The following RPTOR variants were observed in gnomAD, a reference collection of about 807,000 sequenced individuals.
RPTOR encodes the protein regulatory associated protein of MTOR complex 1, also known as regulatory-associated protein of mTOR.
RPTOR carries 21 observed loss-of-function variants against 169.9 expected under a neutral mutation model. That is an observed-to-expected ratio of 0.12 (90% CI 0.09 to 0.18). The LOEUF is 0.18. Ranked by LOEUF, RPTOR falls within the 10% of genes least tolerant of loss-of-function variation. RPTOR has a pLI of 1.00. For missense variants in RPTOR, 1,133 were observed against 1,855.9 expected, an observed-to-expected ratio of 0.61 and a Z score of 7.16; for synonymous variants, 732 against 753.2, an observed-to-expected ratio of 0.97 and a Z score of 0.46.
rs117946055 is a variant in RPTOR at position 80,723,111 on chromosome 17, G to T, written c.508-7449G>T. On this transcript the variant is annotated intron_variant, in intron 4 of 33. Transcript: ENST00000306801. ...GGTTATTCTCAGTGCATCAGGTTTG[G>T]GGGTGCGTGGTGTGTGTGATTCTTA... 2.0e-5 allele frequency among the ~76,000 whole-genome samples: 3 copies of T among 151,454 alleles called. No homozygotes were observed. The East Asian group carries it at 5.8e-4, about 29-fold the overall frequency.
chr17:80,711,683 CTT>C (rs1315444884), intron 4 of RPTOR, among the ~76,000 whole-genome samples: 1 of 138,384 alleles, frequency 7.2e-6, no homozygotes, highest in African/African-American at 2.9e-5. Flanking sequence ...TTTTAAATGA[CTT>C]TTTAAAATTT....
At chr17:80,547,006 T>C (rs911181277) in intron 1 of RPTOR, among the ~76,000 whole-genome samples, 2 of 152,098 alleles carry the variant, frequency 1.3e-5, no homozygotes, top group African/African-American at 4.8e-5. Context: ...GAGGCAGAGG[T>C]TGCAGTGAGC....
intron 1 of RPTOR, among the ~76,000 whole-genome samples, chr17:80,622,408 A>G (rs1246590283): frequency 6.6e-6 from 1 of 152,240 alleles, no homozygotes; most frequent in East Asian, 1.9e-4. Context: ...GATTATGGAT[A>G]CTGATCACTT....
At chr17:80,663,648 G>T (rs1050781637) in intron 3 of RPTOR, among the ~76,000 whole-genome samples, 12 of 152,102 alleles carry the variant, frequency 7.9e-5, no homozygotes, top group Non-Finnish European at 1.2e-4. Context: ...TCTATTTACC[G>T]TGTGGAAAAT....
rs141828908 is a variant in RPTOR, at chr17:80,906,478, G to A, written c.2402-2333G>A. Among the ~76,000 whole-genome samples, 636 of 152,308 alleles carry A rather than the reference G, an allele frequency of 4.2e-3. 2 individuals carry two copies. Among genetic ancestry groups the A allele is most frequent in the Middle Eastern group, 6.8e-3 (2 of 294 alleles). ...AGGTGCATCTGCGTGGCACCGTGGC[G>A]CTGAAGTCCAGGTGTGCTTGGGCCC... is the stretch of plus-strand genomic sequence containing the variant. On this transcript the variant is annotated intron_variant, in intron 20 of 33. Coordinates refer to ENST00000306801, the MANE Select transcript of RPTOR (RefSeq NM_020761.3).
chr17:80,817,997 G>T (rs1235029003), intron 7 of RPTOR, among the ~76,000 whole-genome samples: 1 of 152,244 alleles, frequency 6.6e-6, no homozygotes, highest in Non-Finnish European at 1.5e-5. Context: ...CCACAGGTGA[G>T]CCCGGAAGTG....
intron 1 of RPTOR, among the ~76,000 whole-genome samples, chr17:80,575,728 T>C (rs1287470252): frequency 6.6e-6 from 1 of 152,212 alleles, no homozygotes; most frequent in Admixed American, 6.5e-5. Flanking sequence ...TTAAGTCAAA[T>C]ATTTTATTTG....
At chr17:80,831,819 A>ATCCCTGTGTGTCACCG (rs1567936912) in intron 9 of RPTOR, among the ~76,000 whole-genome samples, 13 of 62,938 alleles carry the variant, frequency 2.1e-4, no homozygotes, top group African/African-American at 9.1e-4. Context: ...GTGTGTCACC[A>ATCCCTGTGTGTCACCG]TGTATCCCTG....
At chr17:80,605,483 G>A (rs9899898) in intron 1 of RPTOR, among the ~76,000 whole-genome samples, 47,059 of 151,996 alleles carry the variant, frequency 0.31, 7,425 homozygotes, top group Middle Eastern at 0.37. Flanking sequence ...TACTGTGTCC[G>A]TGATGAGTTG....
chr17:80,826,483 C>T (rs759300757), intron 9 of RPTOR, among the ~76,000 whole-genome samples: 20 of 152,370 alleles, frequency 1.3e-4, no homozygotes, highest in Non-Finnish European at 2.5e-4. Context: ...GCCACTGTAG[C>T]GGTCACTGGT....
chr17:80,774,014 G>A (rs989749218), intron 6 of RPTOR: 35 of 985,462 alleles, frequency 3.6e-5, no homozygotes, highest in Middle Eastern at 5.2e-4. Context: ...GGCTGAGTCA[G>A]GCTTTAATGT....
chr17:80,885,408 G>A (rs2068234232), intron 17 of RPTOR, among the ~76,000 whole-genome samples: 2 of 152,186 alleles, frequency 1.3e-5, no homozygotes, highest in Admixed American at 6.5e-5. Flanking sequence ...CTGCCTGGGA[G>A]CAACACACAC....
chr17:80,671,421 G>A (rs922753925), intron 3 of RPTOR, among the ~76,000 whole-genome samples: 1 of 152,122 alleles, frequency 6.6e-6, no homozygotes, highest in African/African-American at 2.4e-5. Context: ...TCTAATTATT[G>A]GTTTCTTTCC....
chr17:80,940,529 C>T lies in RPTOR; in HGVS notation c.2953C>T (p.Arg985Cys), dbSNP rs1267979714. ...AGAGCACGACCTGGAGAGTCAGATCCGCAAGGAGCGGGAGTGGCGGTTCCT... is the reference window on the plus strand; with the variant it reads ...AGAGCACGACCTGGAGAGTCAGATCTGCAAGGAGCGGGAGTGGCGGTTCCT... ...PEEHDLESQI[R>C]KEREWRFLRN... Residue 985 changes from arginine to cysteine, a missense_variant, in exon 25 of 34, where the codon CGC (arginine) becomes TGC (cysteine). This residue lies in a region of RPTOR where 410 missense variants were observed against 623.7 expected (regional missense o/e 0.66). Coordinates refer to ENST00000306801, the MANE Select transcript of RPTOR (RefSeq NM_020761.3). 9.3e-6 allele frequency: 15 copies of T among 1,613,840 alleles called. No individual in the cohort carries two copies. Among genetic ancestry groups the T allele is most frequent in the African/African-American group, 1.3e-5 (1 of 75,036 alleles).
chr17:80,643,357 G>C (rs1432770318), intron 2 of RPTOR, among the ~76,000 whole-genome samples: 1 of 152,212 alleles, frequency 6.6e-6, no homozygotes, highest in African/African-American at 2.4e-5. Context: ...GAGAGCCATA[G>C]TTTGAACAGG....
intron 7 of RPTOR, among the ~76,000 whole-genome samples, chr17:80,808,799 C>G (rs1459206945): frequency 6.6e-6 from 1 of 152,206 alleles, no homozygotes; most frequent in South Asian, 2.1e-4. Flanking sequence ...TCTGTCTCTT[C>G]CTTGGCTCAG....
chr17:80,922,873 GC>G (rs2143978521), intron 22 of RPTOR, 46 bp downstream of exon 22: 4 of 1,486,170 alleles, frequency 2.7e-6, no homozygotes, highest in East Asian at 4.9e-5. Context: ...GGTGACCGGG[GC>G]CCCACGGGCT....
At chr17:80,641,644 T>A (rs907424121) in intron 2 of RPTOR, among the ~76,000 whole-genome samples, 5 of 152,240 alleles carry the variant, frequency 3.3e-5, no homozygotes, top group Admixed American at 2.0e-4. Context: ...CACTGTACTG[T>A]AGTCTGTGAA....
Position 80,965,385 on chromosome 17 carries a change from C to T in RPTOR, c.*1055C>T, listed in dbSNP as rs1167649409. On this transcript the variant is annotated 3_prime_UTR_variant, in exon 34 of 34. Coordinates refer to ENST00000306801, the MANE Select transcript of RPTOR (RefSeq NM_020761.3). ...CACCAGCCCCGTCTCCAGCCTTGAG[C>T]CGCCCATGCTGATGCGACCTCGGCT... 2 of 233,260 alleles carry T rather than the reference C, an allele frequency of 8.6e-6. No individual in the cohort carries two copies. Among genetic ancestry groups the T allele is most frequent in the Non-Finnish European group, 1.7e-5 (2 of 118,110 alleles). 14.4% of individuals were successfully genotyped at this position (233,260 alleles called of 1,614,324 possible). A position where few individuals can be genotyped will look rare whatever the true frequency, so the allele number is the denominator to read the frequency against.
Sources: gnomAD v4.1 joint callset for allele counts (sites outside exome capture counted in the v4.1 genomes callset) on GRCh38, gnomAD v4.1.1 for gene constraint, gnomAD v4.1.1 regional missense constraint, MANE v1.5 for transcripts, NCBI Gene and HGNC (gene_info 2026-07-23, HGNC 2026-07-21) for gene names.